Variants in ALDH3A1 observed in about 807,000 individuals in gnomAD.
ALDH3A1 encodes aldehyde dehydrogenase 3 family member A1.
In ALDH3A1, 46 loss-of-function variants were observed where a neutral mutation model predicts 49.9. The ratio of observed to expected loss-of-function variants is 0.92; its 90% CI spans 0.73 to 1.18. The LOEUF is 1.18. Among genes scored for constraint, ALDH3A1 ranks in the 50% most tolerant of loss-of-function variants. ALDH3A1 has a pLI of 0.00. For missense variants in ALDH3A1, 592 were observed against 611.8 expected, an observed-to-expected ratio of 0.97 and a Z score of 0.34; for synonymous variants, 269 against 253.3, an observed-to-expected ratio of 1.06 and a Z score of -0.59.
At chr17:19,741,342 G>T in intron 5 of ALDH3A1, 132 bp from the exon 6 acceptor site, 2 of 719,646 alleles carry the variant, frequency 2.8e-6, no homozygotes, top group Non-Finnish European at 4.8e-6. Flanking sequence ...CCTCCCAAGC[G>T]GTCTGCTCAC....
At chr17:19,742,478 C>T (rs898370671) in intron 4 of ALDH3A1, 67 bp downstream of exon 4, 7 of 1,527,286 alleles carry the variant, frequency 4.6e-6, no homozygotes, top group South Asian at 1.2e-5. Flanking sequence ...ATTTCTCACC[C>T]CCCAAAGACC....
At position 19,743,299 on chromosome 17, in the gene ALDH3A1, G is replaced by A. The variant is rs1432045879; in HGVS notation, c.327C>T (p.Leu109=). The A allele has an allele frequency of 8.7e-6, 14 of 1,614,146 alleles. No individual in the cohort carries two copies. The highest frequency in any genetic ancestry group is 2.2e-5 in the East Asian group (1 of 44,872). Residue 109 remains leucine (L), a synonymous_variant, in exon 3 of 11, where the codon CTC becomes CTT. Coordinates refer to ENST00000225740, the MANE Select transcript of ALDH3A1 (RefSeq NM_000691.5). The surrounding 1 kb of genome is among the most constrained non-coding windows in gnomAD (Gnocchi z 4.4). ...YIHSEPLGVV[L]VIGTWNYPFN... is the part of the protein sequence containing the mutation. The stretch of plus-strand genomic sequence containing the variant: ...AGGGGTAGTTCCAGGTGCCAATGAC[G>A]AGGACCACGCCCAGTGGCTCCGAGT...
rs917546368 is a variant in ALDH3A1 at position 19,744,635 on chromosome 17, T to C, written c.162+333A>G. On this transcript the variant is annotated intron_variant, in intron 2 of 10. Coordinates refer to ENST00000225740, the MANE Select transcript of ALDH3A1 (RefSeq NM_000691.5). The stretch of plus-strand genomic sequence containing the variant: ...CGGGGTGCCAAGCTGCTCTGGTTCC[T>C]GGTGTGGAGAACCAAGTGGTCCTGC... 11 of 985,148 alleles carry C rather than the reference T, an allele frequency of 1.1e-5. No homozygotes were observed. The African/African-American group carries it at 1.7e-4, about 16-fold the overall frequency. 61.0% of individuals were successfully genotyped at this position (985,148 alleles called of 1,614,324 possible).
In ALDH3A1 at chr17:19,743,592, G is replaced by T. The variant is rs548572365; in HGVS notation, c.163-129C>A. On this transcript the variant is annotated intron_variant, in intron 2 of 10. Coordinates refer to ENST00000225740, the MANE Select transcript of ALDH3A1 (RefSeq NM_000691.5). The surrounding 1 kb of genome is among the most constrained non-coding windows in gnomAD (Gnocchi z 4.4). ...CACCCAGCCCAGGGTGGGGGCAGCC[G>T]CAGAAGGCTCCCAGGGGAAGCAGAG... is the stretch of plus-strand genomic sequence containing the variant. The T allele has an allele frequency of 7.8e-5, 114 of 1,457,428 alleles. No homozygotes were observed. In the African/African-American group the frequency reaches 1.5e-3, roughly 19 times the overall value. 90.3% of individuals were successfully genotyped at this position (1,457,428 alleles called of 1,614,324 possible). A position where few individuals can be genotyped will look rare whatever the true frequency, so the allele number is the denominator to read the frequency against.
At chr17:19,742,990 C>A in intron 3 of ALDH3A1, 1 of 1,530,324 alleles carries the variant, frequency 6.5e-7, no homozygotes, top group Non-Finnish European at 8.7e-7. Context: ...GCTCCAGCCC[C>A]CCAACAGGGG....
chr17:19,739,573 C>A lies in ALDH3A1; in HGVS notation c.1051G>T (p.Ala351Ser), dbSNP rs2086451918. The A allele has an allele frequency of 6.2e-6, 10 of 1,613,646 alleles. No homozygotes were observed. The highest frequency in any genetic ancestry group is 8.5e-6 in the Non-Finnish European group (10 of 1,179,904). Residue 351 changes from alanine (A) to serine (S), a missense_variant, in exon 8 of 11, where the codon GCC becomes TCC. By Grantham distance (99) the Ala-to-Ser change is moderately conservative (BLOSUM62 1). Transcript: ENST00000225740. ...PIVCVRSLEE[A>S]IQFINQREKP... ...TCACGCTGGTTGATGAACTGGATGG[C>A]CTCCTCCAGGCTGCGCACGCACACG...
rs1252807928 is a variant in ALDH3A1, at chr17:19,741,121, A to G, written c.779T>C (p.Ile260Thr). 1 of 1,613,882 alleles carries G rather than the reference A, an allele frequency of 6.2e-7. No individual in the cohort carries two copies. The highest frequency in any genetic ancestry group is 8.5e-7 in the Non-Finnish European group (1 of 1,179,934). The change falls in exon 6 of 11, where the codon ATT (isoleucine) becomes ACT (threonine). Residue 260 changes from isoleucine (I) to threonine (T), a missense_variant. Coordinates refer to ENST00000225740, the MANE Select transcript of ALDH3A1 (RefSeq NM_000691.5). ...ILCDPSIQNQ[I>T]VEKLKKSLKE... ...CAGTGACTTCTTGAGCTTCTCCACA[A>G]TTTGGTTCTGGATCGAGGGGTCACA...
chr17:19,746,336 T>A (rs2086594174), intron 1 of ALDH3A1, among the ~76,000 whole-genome samples: 1 of 152,052 alleles, frequency 6.6e-6, no homozygotes, highest in Non-Finnish European at 1.5e-5. Context: ...GAGGTTGCAG[T>A]GGGCCGAGAT....
chr17:19,743,138 C>T lies in ALDH3A1; in HGVS notation c.394+94G>A. ...AGACCCAGCAAACCCTTATCTGACC[C>T]CAGGACTCTTAACACAGGCCTGAGC... On this transcript the variant is annotated intron_variant, in intron 3 of 10. Coordinates refer to ENST00000225740, the MANE Select transcript of ALDH3A1 (RefSeq NM_000691.5). The surrounding 1 kb of genome is among the most constrained non-coding windows in gnomAD (Gnocchi z 4.4). 1.3e-6 allele frequency: 2 copies of T among 1,560,168 alleles called. No individual in the cohort carries two copies. Among genetic ancestry groups the T allele is most frequent in the Non-Finnish European group, 1.7e-6 (2 of 1,156,886 alleles).
intron 2 of ALDH3A1, 62 bp downstream of exon 2, chr17:19,744,903 CCCT>C: frequency 1.6e-6 from 1 of 630,746 alleles, no homozygotes; most frequent in Non-Finnish European, 2.2e-6. Context: ...TCTCCCCAGC[CCCT>C]CCCCCCACGC....
chr17:19,738,157 C>T lies in ALDH3A1; in HGVS notation c.*64G>A, dbSNP rs1273031256. ...GCGATTCTCCCAGGGCCAGGAGAGC[C>T]AGTGAGGGTGGTCCGCACTCCGATG... is the stretch of plus-strand genomic sequence containing the variant. On this transcript the variant is annotated 3_prime_UTR_variant, in exon 11 of 11. Transcript: ENST00000225740. 33 of 1,612,026 alleles carry T rather than the reference C, an allele frequency of 2.0e-5. No individual in the cohort carries two copies. Among genetic ancestry groups the T allele is most frequent in the Non-Finnish European group, 2.8e-5 (33 of 1,179,940 alleles).
Position 19,739,611 on chromosome 17 carries a change from G to A in ALDH3A1, c.1013C>T (p.Pro338Leu). ...SPVMQEEIFG[P>L]VLPIVCVRSL... ...GCGCACGCACACGATGGGCAGCACA[G>A]GCCCGAAGATCTCCTCTTGCATCAC... The change falls in exon 8 of 11, where the codon CCT becomes CTT. Residue 338 changes from proline to leucine, a missense_variant. Physicochemically the swap from Pro to Leu is moderately conservative, Grantham distance 98. Coordinates refer to ENST00000225740, the MANE Select transcript of ALDH3A1 (RefSeq NM_000691.5). 6.2e-7 allele frequency: 1 copy of A among 1,613,982 alleles called. No individual in the cohort carries two copies.
chr17:19,741,448 C>T (rs1169574822), intron 5 of ALDH3A1: 1 of 473,644 alleles, frequency 2.1e-6, no homozygotes, highest in Non-Finnish European at 3.9e-6. Context: ...GGGCAACCTC[C>T]GTGCTCCCTG....
chr17:19,738,256 G>A, intron 10 of ALDH3A1, 21 bp from the exon 11 acceptor site: 2 of 1,614,052 alleles, frequency 1.2e-6, no homozygotes, highest in Non-Finnish European at 1.7e-6. Context: ...GACACGGAGT[G>A]GGCAGTGATC....
intron 5 of ALDH3A1, 133 bp from the exon 6 acceptor site, chr17:19,741,343 G>A: frequency 1.4e-6 from 1 of 714,462 alleles, no homozygotes; most frequent in Non-Finnish European, 2.4e-6. Context: ...CTCCCAAGCG[G>A]TCTGCTCACT....
rs746652504 is a variant in ALDH3A1 at position 19,745,024 on chromosome 17, G to C, written c.106C>G (p.Leu36Val). The change falls in exon 2 of 11, where the codon CTG (leucine) becomes GTG (valine). Residue 36 changes from leucine to valine, a missense_variant. Physicochemically the swap from Leu to Val is conservative, Grantham distance 32. Transcript: ENST00000225740. ...AGCTCCTGCTCCTGCTCCTGGATCAGGCGCTGCAGCGCCTCCAGCTGCTGG... is the reference window on the plus strand; with the variant it reads ...AGCTCCTGCTCCTGCTCCTGGATCACGCGCTGCAGCGCCTCCAGCTGCTGG... ...RIQQLEALQRLIQEQEQELVG... is the reference protein window; with the variant it reads ...RIQQLEALQRVIQEQEQELVG... 6.3e-7 allele frequency: 1 copy of C among 1,595,018 alleles called. No individual in the cohort carries two copies. Among genetic ancestry groups the C allele is most frequent in the Non-Finnish European group, 8.5e-7 (1 of 1,178,288 alleles).
intron 1 of ALDH3A1, chr17:19,745,344 G>A: frequency 1.9e-6 from 1 of 526,286 alleles, no homozygotes. Context: ...CTGAGAAGGT[G>A]ACACCCGCCG....
intron 6 of ALDH3A1, 46 bp downstream of exon 6, chr17:19,741,047 T>TG (rs1343072774): frequency 6.8e-7 from 1 of 1,466,866 alleles, no homozygotes; most frequent in Non-Finnish European, 9.6e-7. Context: ...GCCCCCCTTG[T>TG]GCCTTACAGC....
rs889157210 is a variant in ALDH3A1 at position 19,744,910 on chromosome 17, C to G, written c.162+58G>C. ...GGTCGCACTCTCCCCAGCCCCTCCC[C>G]CCACGCCCCATCGCATGGCCCCGAC... On this transcript the variant is annotated intron_variant, in intron 2 of 10. Transcript: ENST00000225740. 58 of 1,067,480 alleles carry G rather than the reference C, an allele frequency of 5.4e-5. 7 individuals are homozygous for G. Among genetic ancestry groups the G allele is most frequent in the Non-Finnish European group, 6.1e-5 (50 of 814,278 alleles). 66.1% of individuals were successfully genotyped at this position (1,067,480 alleles called of 1,614,324 possible). A position where few individuals can be genotyped will look rare whatever the true frequency, so the allele number is the denominator to read the frequency against.
Sources: allele counts gnomAD v4.1 joint callset (sites outside exome capture counted in the v4.1 genomes callset), GRCh38; gene constraint gnomAD v4.1.1; non-coding constraint Gnocchi (gnomAD v3.1); transcripts MANE v1.5; gene names NCBI Gene and HGNC (gene_info 2026-07-23, HGNC 2026-07-21).